The following PTPRD variants were observed in gnomAD, a reference collection of about 807,000 sequenced individuals.
PTPRD encodes receptor-type tyrosine-protein phosphatase delta.
A neutral mutation model predicts 214.5 loss-of-function variants in PTPRD; 34 were observed. That is an observed-to-expected ratio of 0.16 (90% CI 0.12 to 0.21). The LOEUF is 0.21. Among genes scored for constraint, PTPRD ranks in the 10% least tolerant of loss-of-function variants. The pLI is 1.00. For synonymous variants in PTPRD, 1,128 were observed against 845.7 expected, an observed-to-expected ratio of 1.33 and a Z score of -5.79; for missense variants, 2,545 against 2,398.7, an observed-to-expected ratio of 1.06 and a Z score of -1.27.
At chr9:10,199,014 G>C (rs1478816326) in intron 3 of PTPRD, among the ~76,000 whole-genome samples, 1 of 151,736 alleles carries the variant, frequency 6.6e-6, no homozygotes, top group African/African-American at 2.4e-5. Flanking sequence ...GTTGGCATAA[G>C]ATACCTACAC....
chr9:9,619,103 G>A (rs994290586), intron 7 of PTPRD, among the ~76,000 whole-genome samples: 1 of 152,090 alleles, frequency 6.6e-6, no homozygotes, highest in Non-Finnish European at 1.5e-5. Flanking sequence ...TGGACTGGTG[G>A]TACAAATTTC....
chr9:8,908,670 T>C (rs2098725052), intron 11 of PTPRD, among the ~76,000 whole-genome samples: 1 of 151,618 alleles, frequency 6.6e-6, no homozygotes, highest in Non-Finnish European at 1.5e-5. Flanking sequence ...AACCTAAGCC[T>C]CCATCTTAAG....
In PTPRD at chr9:8,782,829, C is replaced by T. The variant is rs557362063; in HGVS notation, c.-103-48883G>A. Among the ~76,000 whole-genome samples, 4 of 152,168 alleles carry T rather than the reference C, an allele frequency of 2.6e-5. No individual in the cohort carries two copies. In the East Asian group the frequency reaches 5.8e-4, roughly 22 times the overall value. The stretch of plus-strand genomic sequence containing the variant: ...CAGGCTGGTCTCGAACTCCTGACCT[C>T]GTGATCTGCCCTCCTTGGCCCCCCG... On this transcript the variant is annotated intron_variant, in intron 11 of 45. Transcript: ENST00000381196.
At chr9:9,852,631 T>C (rs1350531171) in intron 5 of PTPRD, among the ~76,000 whole-genome samples, 2 of 152,168 alleles carry the variant, frequency 1.3e-5, no homozygotes, top group African/African-American at 2.4e-5. Flanking sequence ...TAATCCTTTA[T>C]ATTGTCTTTA....
chr9:9,794,082 A>C (rs1201053411), intron 5 of PTPRD, among the ~76,000 whole-genome samples: 1 of 151,922 alleles, frequency 6.6e-6, no homozygotes, highest in Non-Finnish European at 1.5e-5. Context: ...TCCTTCCCTC[A>C]GGTGTTCAGA....
chr9:9,948,680 T>C (rs2093094979), intron 4 of PTPRD, among the ~76,000 whole-genome samples: 1 of 152,076 alleles, frequency 6.6e-6, no homozygotes, highest in Admixed American at 6.6e-5. Context: ...GTAAGAAGTG[T>C]ATTCACTTAA....
chr9:9,394,439 G>A (rs916998471), intron 9 of PTPRD, among the ~76,000 whole-genome samples: 2 of 152,114 alleles, frequency 1.3e-5, no homozygotes, highest in Non-Finnish European at 2.9e-5. Flanking sequence ...CAACTGATTG[G>A]AAGTTTACAG....
intron 14 of PTPRD, among the ~76,000 whole-genome samples, chr9:8,554,646 T>C (rs916842896): frequency 2.0e-5 from 3 of 152,164 alleles, no homozygotes; most frequent in African/African-American, 4.8e-5. Flanking sequence ...GATGGCTAGG[T>C]ATAAACAGAA....
At chr9:10,484,639 T>A (rs951215245) in intron 2 of PTPRD, among the ~76,000 whole-genome samples, 9 of 152,134 alleles carry the variant, frequency 5.9e-5, no homozygotes, top group Non-Finnish European at 2.9e-5. Flanking sequence ...TGATGATCAA[T>A]GATTTGGAGC....
intron 21 of PTPRD, among the ~76,000 whole-genome samples, chr9:8,508,197 C>T (rs780898152): frequency 2.6e-5 from 4 of 152,190 alleles, no homozygotes; most frequent in Non-Finnish European, 5.9e-5. Flanking sequence ...CTATAATTCT[C>T]ATGTTAGCCA....
intron 3 of PTPRD, among the ~76,000 whole-genome samples, chr9:10,190,409 A>C (rs1217622257): frequency 1.6e-4 from 15 of 95,592 alleles, no homozygotes; most frequent in South Asian, 3.4e-4. Context: ...AAAAAAAAAA[A>C]AAAAAAAAAA....
At chr9:9,228,602 G>A (rs1312577043) in intron 9 of PTPRD, among the ~76,000 whole-genome samples, 1 of 151,626 alleles carries the variant, frequency 6.6e-6, no homozygotes, top group African/African-American at 2.4e-5. Context: ...ATCTCATTTT[G>A]ATGCCTTGCT....
chr9:10,117,174 CA>C (rs2098736960), intron 3 of PTPRD, among the ~76,000 whole-genome samples: 1 of 151,900 alleles, frequency 6.6e-6, no homozygotes, highest in South Asian at 2.1e-4. Context: ...ATTTGTGCAA[CA>C]AAAGAATGAT....
intron 9 of PTPRD, among the ~76,000 whole-genome samples, chr9:9,319,445 C>G (rs1965251005): frequency 6.6e-6 from 1 of 152,110 alleles, no homozygotes; most frequent in Admixed American, 6.6e-5. Context: ...AAGATGAAAA[C>G]ACACAGATGT....
chr9:10,516,176 T>C (rs1390700789), intron 2 of PTPRD, among the ~76,000 whole-genome samples: 1 of 151,950 alleles, frequency 6.6e-6, no homozygotes, highest in Non-Finnish European at 1.5e-5. Context: ...TTGTTTCACA[T>C]TTTATATTCC....
At chr9:9,446,495 G>A (rs1177428974) in intron 8 of PTPRD, among the ~76,000 whole-genome samples, 1 of 152,164 alleles carries the variant, frequency 6.6e-6, no homozygotes, top group Non-Finnish European at 1.5e-5. Flanking sequence ...AGGAATCAAT[G>A]TGGCCTTTGG....
At chr9:8,462,134 A>G (rs1039448701) in intron 32 of PTPRD, among the ~76,000 whole-genome samples, 1 of 151,960 alleles carries the variant, frequency 6.6e-6, no homozygotes, top group African/African-American at 2.4e-5. Flanking sequence ...AGACCCCTAC[A>G]TATATGTTCA....
intron 5 of PTPRD, among the ~76,000 whole-genome samples, chr9:9,814,311 A>AG (rs201753056): frequency 0.025 from 3,719 of 151,660 alleles, 67 homozygotes; most frequent in Middle Eastern, 0.058. Context: ...TAAGAAAGAA[A>AG]AAAAAAAAAG....
At chr9:9,840,761 C>CAAA (rs59780411) in intron 5 of PTPRD, among the ~76,000 whole-genome samples, 9 of 61,622 alleles carry the variant, frequency 1.5e-4, no homozygotes, top group Non-Finnish European at 1.6e-4. Context: ...GACTCCGTTT[C>CAAA]AAAAAAAAAA....
Sources: gnomAD v4.1 joint callset for allele counts (sites outside exome capture counted in the v4.1 genomes callset) on GRCh38, gnomAD v4.1.1 for gene constraint, MANE v1.5 for transcripts, NCBI Gene and HGNC (gene_info 2026-07-23, HGNC 2026-07-21) for gene names.